Variants in TMEM30A observed in about 807,000 individuals in gnomAD.
TMEM30A encodes cell cycle control protein 50A.
A neutral mutation model predicts 38.2 loss-of-function variants in TMEM30A; 24 were observed. The observed-to-expected ratio is 0.63, with a 90% CI of 0.46 to 0.88. TMEM30A has a LOEUF of 0.88. TMEM30A is among the 40% of genes least tolerant of loss of function. The probability of loss-of-function intolerance (pLI) is 0.00; values close to 1 mark genes in which losing one functional copy is unlikely to be tolerated. For missense variants in TMEM30A, 370 were observed against 458.6 expected, an observed-to-expected ratio of 0.81 and a Z score of 1.77; for synonymous variants, 145 against 161.6, an observed-to-expected ratio of 0.90 and a Z score of 0.78.
In TMEM30A at chr6:75,256,072, A is replaced by G; in HGVS notation, c.*30T>C. The G allele has an allele frequency of 6.6e-7, 1 of 1,515,440 alleles. No individual in the cohort carries two copies. Among genetic ancestry groups the G allele is most frequent in the Non-Finnish European group, 9.1e-7 (1 of 1,100,780 alleles). The allele number at this position is 1,515,440 out of a possible 1,614,324, so 93.9% of individuals were successfully genotyped here. A position where few individuals can be genotyped will look rare whatever the true frequency, so the allele number is the denominator to read the frequency against. On this transcript the variant is annotated 3_prime_UTR_variant, in exon 7 of 7. Coordinates refer to ENST00000230461, the MANE Select transcript of TMEM30A (RefSeq NM_018247.4). ...TTGAATAGGACTGGCCTTGATGCAC[A>G]TGCAGATGATTTGCTTTCATAATAT...
At chr6:75,268,275 G>T (rs985275746) in intron 1 of TMEM30A, among the ~76,000 whole-genome samples, 2 of 152,174 alleles carry the variant, frequency 1.3e-5, no homozygotes, top group Admixed American at 6.5e-5. Flanking sequence ...GGTGACAGAA[G>T]TATCTTTGTT....
chr6:75,279,816 A>G (rs939402541), intron 1 of TMEM30A, among the ~76,000 whole-genome samples: 1 of 152,192 alleles, frequency 6.6e-6, no homozygotes, highest in Non-Finnish European at 1.5e-5. Context: ...TTTACACTAT[A>G]TAGGAAAACG....
At chr6:75,284,101 C>T (rs1032215800) in intron 1 of TMEM30A, 18 of 424,274 alleles carry the variant, frequency 4.2e-5, no homozygotes, top group Non-Finnish European at 6.9e-5. Context: ...ACACAAACCG[C>T]CCACTGAAGA....
intron 1 of TMEM30A, among the ~76,000 whole-genome samples, chr6:75,269,040 C>A (rs1772120039): frequency 6.6e-6 from 1 of 152,130 alleles, no homozygotes; most frequent in East Asian, 1.9e-4. Context: ...CAAAACTGAA[C>A]AAAGTACAGA....
chr6:75,256,223 T>C lies in TMEM30A; in HGVS notation c.965A>G (p.Asn322Ser). 6.2e-7 allele frequency: 1 copy of C among 1,613,594 alleles called. No individual in the cohort carries two copies. Among genetic ancestry groups the C allele is most frequent in the Non-Finnish European group, 8.5e-7 (1 of 1,179,628 alleles). The change falls in exon 7 of 7, where the codon AAT becomes AGT. Residue 322 changes from asparagine (N) to serine (S), a missense_variant. Physicochemically the swap from Asn to Ser is conservative, Grantham distance 46 (BLOSUM62 1). Transcript: ENST00000230461. ...LSTISWMGGK[N>S]PFLGIAYIAV... ...GATGTAAGCAATCCCCAAAAATGGA[T>C]TTTTTCCTCCCATCCATGAAATAGT...
chr6:75,282,469 A>G lies in TMEM30A; in HGVS notation c.237+1933T>C, dbSNP rs543426043. 3.3e-5 allele frequency among the ~76,000 whole-genome samples: 5 copies of G among 152,312 alleles called. 1 individual carries two copies. In the South Asian group the frequency reaches 1.0e-3, roughly 32 times the overall value. On this transcript the variant is annotated intron_variant, in intron 1 of 6. Coordinates refer to ENST00000230461, the MANE Select transcript of TMEM30A (RefSeq NM_018247.4). ...ATGGAAGCTGAGTTCTGAAAATACT[A>G]ATTTATATACAATTCCAAATTATTG...
Position 75,253,175 on chromosome 6 carries a change from G to C in TMEM30A, c.*2927C>G, listed in dbSNP as rs111788473. On this transcript the variant is annotated 3_prime_UTR_variant, in exon 7 of 7. Coordinates refer to ENST00000230461, the MANE Select transcript of TMEM30A (RefSeq NM_018247.4). ...CCTTACAGCTTAACCAACAAAAAAT[G>C]TGTCATACAATAATTCTAAGGCAAT... is the stretch of plus-strand genomic sequence containing the variant. 5.3e-4 allele frequency: 80 copies of C among 152,050 alleles called. 1 individual carries two copies. Among genetic ancestry groups the C allele is most frequent in the African/African-American group, 1.9e-3 (79 of 41,474 alleles). The allele number at this position is 152,050 out of a possible 1,614,324, so 9.4% of individuals were successfully genotyped here. A position where few individuals can be genotyped will look rare whatever the true frequency, so the allele number is the denominator to read the frequency against.
intron 1 of TMEM30A, among the ~76,000 whole-genome samples, chr6:75,284,069 C>T (rs914854412): frequency 6.6e-6 from 1 of 151,794 alleles, no homozygotes; most frequent in Non-Finnish European, 1.5e-5. Flanking sequence ...GTGAACAACC[C>T]CCACTAATCC....
At chr6:75,277,587 G>A (rs959464431) in intron 1 of TMEM30A, among the ~76,000 whole-genome samples, 35 of 151,874 alleles carry the variant, frequency 2.3e-4, no homozygotes, top group Non-Finnish European at 4.0e-4. Context: ...CCTGGGCAAC[G>A]GCAAGGCCCC....
rs751791589 is a variant in TMEM30A at position 75,256,248 on chromosome 6, T to C, written c.940A>G (p.Thr314Ala). 2 of 1,613,486 alleles carry C rather than the reference T, an allele frequency of 1.2e-6. No homozygotes were observed. The highest frequency in any genetic ancestry group is 2.7e-5 in the African/African-American group (2 of 74,904). The part of the protein sequence containing the change: ...FDGRKRMILS[T>A]ISWMGGKNPF... ...TTTTTTCCTCCCATCCATGAAATAG[T>C]GCTCAAGATCATCCGTTTTCGTCCA... Residue 314 changes from threonine to alanine, a missense_variant, in exon 7 of 7, where the codon ACT (threonine) becomes GCT (alanine). Physicochemically the swap from Thr to Ala is moderately conservative, Grantham distance 58. Transcript: ENST00000230461.
rs1771953279 is a variant in TMEM30A at position 75,260,812 on chromosome 6, T to C, written c.541+12A>G. On this transcript the variant is annotated intron_variant, in intron 4 of 6. Coordinates refer to ENST00000230461, the MANE Select transcript of TMEM30A (RefSeq NM_018247.4). ...CTAATTATATATGTCTATATTTGTA[T>C]CTATATCATACCATTAAACATGCTG... The C allele has an allele frequency of 1.3e-6, 2 of 1,525,570 alleles. No homozygotes were observed. Among genetic ancestry groups the C allele is most frequent in the African/African-American group, 1.4e-5 (1 of 71,460 alleles). 94.5% of individuals were successfully genotyped at this position (1,525,570 alleles called of 1,614,324 possible). A position where few individuals can be genotyped will look rare whatever the true frequency, so the allele number is the denominator to read the frequency against.
At chr6:75,277,399 G>A (rs906217625) in intron 1 of TMEM30A, among the ~76,000 whole-genome samples, 1 of 151,584 alleles carries the variant, frequency 6.6e-6, no homozygotes, top group Non-Finnish European at 1.5e-5. Context: ...ACTCTTAGCA[G>A]AGTATACTCT....
chr6:75,263,042 G>C (rs1433186556), intron 3 of TMEM30A, among the ~76,000 whole-genome samples: 1 of 152,164 alleles, frequency 6.6e-6, no homozygotes, highest in African/African-American at 2.4e-5. Context: ...GGCTATGTGA[G>C]TATTTAATGG....
rs545313698 is a variant in TMEM30A, at chr6:75,253,651, C to T, written c.*2451G>A. ...TTTTTATTAACATAGGACATACTAA[C>T]CAAATATTATCATTTAATAAAATCA... On this transcript the variant is annotated 3_prime_UTR_variant, in exon 7 of 7. Coordinates refer to ENST00000230461, the MANE Select transcript of TMEM30A (RefSeq NM_018247.4). 3.9e-4 allele frequency: 59 copies of T among 152,546 alleles called. No individual in the cohort carries two copies. Among genetic ancestry groups the T allele is most frequent in the African/African-American group, 1.3e-3 (55 of 41,524 alleles). The allele number at this position is 152,546 out of a possible 1,614,324, so 9.4% of individuals were successfully genotyped here. A position where few individuals can be genotyped will look rare whatever the true frequency, so the allele number is the denominator to read the frequency against.
chr6:75,266,490 ACT>A (rs1218690532), intron 2 of TMEM30A, among the ~76,000 whole-genome samples: 1 of 152,230 alleles, frequency 6.6e-6, no homozygotes, highest in Admixed American at 6.5e-5. Context: ...TTGAATGAAC[ACT>A]GAGATAAAAT....
At chr6:75,265,801 C>T (rs1265328936) in intron 2 of TMEM30A, among the ~76,000 whole-genome samples, 4 of 152,124 alleles carry the variant, frequency 2.6e-5, no homozygotes, top group African/African-American at 9.7e-5. Context: ...AGCCGTTCTA[C>T]CGCCTCTATC....
intron 1 of TMEM30A, among the ~76,000 whole-genome samples, chr6:75,274,653 C>A (rs1202982262): frequency 1.3e-5 from 2 of 152,206 alleles, no homozygotes; most frequent in African/African-American, 4.8e-5. Context: ...TCCAGGGTTT[C>A]TGGCATGAAA....
intron 1 of TMEM30A, among the ~76,000 whole-genome samples, chr6:75,279,581 C>T (rs894250527): frequency 1.3e-5 from 2 of 152,050 alleles, no homozygotes; most frequent in East Asian, 1.9e-4. Context: ...GGAGACTTGC[C>T]CATTAGCTAA....
At chr6:75,259,219 G>T in intron 5 of TMEM30A, 128 bp downstream of exon 5, 1 of 1,031,186 alleles carries the variant, frequency 9.7e-7, no homozygotes, top group Non-Finnish European at 1.4e-6. Context: ...ACCTAACTTG[G>T]TATGAAGCTG....
Sources: allele counts gnomAD v4.1 joint callset (sites outside exome capture counted in the v4.1 genomes callset), GRCh38; gene constraint gnomAD v4.1.1; transcripts MANE v1.5; gene names NCBI Gene and HGNC (gene_info 2026-07-23, HGNC 2026-07-21).